GPR158: variants seen among roughly 807,000 people sequenced by gnomAD.
GPR158 encodes metabotropic glycine receptor.
GPR158 carries 30 observed loss-of-function variants against 78.2 expected under a neutral mutation model. The observed-to-expected ratio is 0.38, with a 90% CI of 0.29 to 0.52. The LOEUF is 0.52. Ranked by LOEUF, GPR158 falls within the 20% of genes least tolerant of loss-of-function variation. The pLI is 0.83. For synonymous variants in GPR158, 581 were observed against 591.1 expected (o/e 0.98, Z 0.25); for missense variants, 1,463 against 1,523.5 (o/e 0.96, Z 0.66).
intron 4 of GPR158, among the ~76,000 whole-genome samples, chr10:25,428,708 T>C (rs941224686): frequency 6.6e-6 from 1 of 152,098 alleles, no homozygotes; most frequent in African/African-American, 2.4e-5. Flanking sequence ...ATCACTGCTT[T>C]CAGTTCCGTA....
intron 2 of GPR158, among the ~76,000 whole-genome samples, chr10:25,287,763 G>T (rs112827916): frequency 0.013 from 1,983 of 152,116 alleles, 33 homozygotes; most frequent in South Asian, 0.057. Flanking sequence ...AGCTCTCTGA[G>T]GATTTCAAGA....
chr10:25,421,035 G>A (rs1222705579), intron 4 of GPR158, among the ~76,000 whole-genome samples: 1 of 152,164 alleles, frequency 6.6e-6, no homozygotes, highest in African/African-American at 2.4e-5. Flanking sequence ...CATTTAATCT[G>A]TAGATTGCTT....
At chr10:25,334,731 T>G (rs1244314960) in intron 2 of GPR158, among the ~76,000 whole-genome samples, 1 of 152,018 alleles carries the variant, frequency 6.6e-6, no homozygotes, top group Non-Finnish European at 1.5e-5. Flanking sequence ...TTACCTCCTT[T>G]ACTACCTCAT....
At chr10:25,388,558 T>A (rs1388024650) in intron 2 of GPR158, among the ~76,000 whole-genome samples, 1 of 152,220 alleles carries the variant, frequency 6.6e-6, no homozygotes, top group East Asian at 1.9e-4. Flanking sequence ...ACCACCTTCA[T>A]CTCACCCATT....
Position 25,449,485 on chromosome 10 carries a change from C to T in GPR158, c.1336-17166C>T, listed in dbSNP as rs539329742. ...AATTCTAGTTGTGATAAGTGTGACA[C>T]TCATGAAGTACCGTGTGCAGTGAGC... On this transcript the variant is annotated intron_variant, in intron 4 of 10. Coordinates refer to ENST00000376351, the MANE Select transcript of GPR158 (RefSeq NM_020752.3). Among the ~76,000 whole-genome samples the T allele has an allele frequency of 9.8e-5, 15 of 152,298 alleles. No individual in the cohort carries two copies. The South Asian group carries it at 2.7e-3, about 27-fold the overall frequency.
chr10:25,375,174 A>G (rs1420582010), intron 2 of GPR158, among the ~76,000 whole-genome samples: 2 of 151,586 alleles, frequency 1.3e-5, no homozygotes, highest in Non-Finnish European at 3.0e-5. Context: ...CTTATTTTTC[A>G]TAAGTATATC....
rs190484316 is a variant in GPR158 at position 25,319,228 on chromosome 10, T to G, written c.1009-76683T>G. Among the ~76,000 whole-genome samples, 503 of 152,296 alleles carry G rather than the reference T, an allele frequency of 3.3e-3. 3 individuals carry two copies. The highest frequency in any genetic ancestry group is 0.011 in the African/African-American group (464 of 41,564). On this transcript the variant is annotated intron_variant, in intron 2 of 10. Coordinates refer to ENST00000376351, the MANE Select transcript of GPR158 (RefSeq NM_020752.3). Reference sequence around the variant, plus strand: ...TATCCACCAGAATTCTTTTCTGACCTCTAATCTAGAGTAGTTACCTCCCAG... The same window carrying G: ...TATCCACCAGAATTCTTTTCTGACCGCTAATCTAGAGTAGTTACCTCCCAG...
intron 2 of GPR158, among the ~76,000 whole-genome samples, chr10:25,237,154 A>G (rs1853536921): frequency 6.6e-6 from 1 of 152,120 alleles, no homozygotes. Flanking sequence ...CATGGTTGCT[A>G]GTTTCATCAC....
chr10:25,241,137 CT>C (rs1554787102), intron 2 of GPR158, among the ~76,000 whole-genome samples: 4 of 63,312 alleles, frequency 6.3e-5, no homozygotes, highest in Non-Finnish European at 1.4e-4. Flanking sequence ...TTCTTTCTTT[CT>C]TTCTTTCTTT....
At chr10:25,520,862 G>A (rs1836254539) in intron 5 of GPR158, among the ~76,000 whole-genome samples, 1 of 152,252 alleles carries the variant, frequency 6.6e-6, no homozygotes, top group Admixed American at 6.5e-5. Flanking sequence ...ACAGAGGCAG[G>A]CAGGCCTCCT....
intron 2 of GPR158, among the ~76,000 whole-genome samples, chr10:25,378,325 A>G (rs1389141356): frequency 1.3e-5 from 2 of 152,114 alleles, no homozygotes; most frequent in East Asian, 3.9e-4. Context: ...ACCATATTTC[A>G]TATAAACTGA....
chr10:25,576,936 C>A (rs1837106197), intron 7 of GPR158, among the ~76,000 whole-genome samples: 1 of 141,788 alleles, frequency 7.1e-6, no homozygotes, highest in South Asian at 2.2e-4. Context: ...ACCTTAATTC[C>A]CAAAGTGTGC....
chr10:25,598,100 G>A lies in GPR158; in HGVS notation c.2474G>A (p.Arg825Lys), dbSNP rs1432723451. The change falls in exon 11 of 11, where the codon AGA becomes AAA. Residue 825 changes from arginine (R) to lysine (K), a missense_variant. Coordinates refer to ENST00000376351, the MANE Select transcript of GPR158 (RefSeq NM_020752.3). ...TCCCACAGCACTTATGACCACGTGA[G>A]AGACCAAACGGAAGAGTCCAGTAGC... ...KKSHSTYDHV[R>K]DQTEESSSLP... The A allele has an allele frequency of 6.2e-7, 1 of 1,614,084 alleles. No homozygotes were observed. Among genetic ancestry groups the A allele is most frequent in the African/African-American group, 1.3e-5 (1 of 75,064 alleles).
chr10:25,287,391 C>T (rs545128662), intron 2 of GPR158, among the ~76,000 whole-genome samples: 1 of 151,846 alleles, frequency 6.6e-6, no homozygotes, highest in East Asian at 1.9e-4. Context: ...TTTTTTGAGT[C>T]TTTTTTTATT....
At chr10:25,296,550 A>G (rs527360527) in intron 2 of GPR158, among the ~76,000 whole-genome samples, 1 of 152,256 alleles carries the variant, frequency 6.6e-6, no homozygotes, top group South Asian at 2.1e-4. Context: ...CAAGATTAAA[A>G]TGAAGAGGTT....
intron 2 of GPR158, among the ~76,000 whole-genome samples, chr10:25,393,091 T>C (rs1122776): frequency 0.65 from 98,099 of 152,030 alleles, 32,621 homozygotes; most frequent in Non-Finnish European, 0.73. Flanking sequence ...CTTTCAAGTT[T>C]AAGGAATATT....
chr10:25,317,731 G>GTTGT lies in GPR158; in HGVS notation c.1009-78178_1009-78177insGTTT, dbSNP rs1225040628. 2.4e-4 allele frequency among the ~76,000 whole-genome samples: 28 copies of GTTGT among 118,622 alleles called. 1 individual carries two copies. Among genetic ancestry groups the GTTGT allele is most frequent in the African/African-American group, 8.8e-4 (25 of 28,478 alleles). The allele number at this position is 118,622 out of a possible 152,430, so 77.8% of individuals were successfully genotyped here. On this transcript the variant is annotated intron_variant, in intron 2 of 10. Transcript: ENST00000376351. ...TTCGTAAAGTGTTTTTTTTTGTTTTGTTTTGTTTTGTTTTTGAGACAGAGT... is the reference window on the plus strand; with the variant it reads ...TTCGTAAAGTGTTTTTTTTTGTTTTGTTGTTTTTGTTTTGTTTTTGAGACAGAGT...
chr10:25,391,640 TTG>T (rs1834299412), intron 2 of GPR158, among the ~76,000 whole-genome samples: 1 of 152,200 alleles, frequency 6.6e-6, no homozygotes, highest in Non-Finnish European at 1.5e-5. Context: ...AGTAACTGAC[TTG>T]TTTTTGATCT....
chr10:25,507,677 A>G (rs374026992), intron 5 of GPR158, among the ~76,000 whole-genome samples: 1 of 152,220 alleles, frequency 6.6e-6, no homozygotes, highest in East Asian at 1.9e-4. Context: ...CATTGCAACA[A>G]TGATCTGACA....
Sources: allele counts gnomAD v4.1 joint callset (sites outside exome capture counted in the v4.1 genomes callset), GRCh38; gene constraint gnomAD v4.1.1; transcripts MANE v1.5; gene names NCBI Gene and HGNC (gene_info 2026-07-23, HGNC 2026-07-21).